The following FAM186A variants were observed in gnomAD, a reference collection of about 807,000 sequenced individuals.
FAM186A encodes the protein family with sequence similarity 186 member A.
FAM186A carries 163 observed loss-of-function variants against 216.8 expected under a neutral mutation model. That is an observed-to-expected ratio of 0.75 (90% confidence interval 0.66 to 0.86). The LOEUF is 0.86. Ranked by LOEUF, FAM186A falls within the 40% of genes least tolerant of loss-of-function variation. FAM186A has a pLI of 0.00. For missense variants in FAM186A, 2,184 were observed against 2,746.2 expected (o/e 0.80, Z 4.58); for synonymous variants, 805 against 1,025.3 (o/e 0.79, Z 4.10).
intron 3 of FAM186A, among the ~76,000 whole-genome samples, chr12:50,357,244 C>CA (rs1942987253): frequency 6.6e-6 from 1 of 152,016 alleles, no homozygotes; most frequent in Non-Finnish European, 1.5e-5. Context: ...CGCAATGGCT[C>CA]ATGCCTGTAA....
intron 4 of FAM186A, among the ~76,000 whole-genome samples, chr12:50,345,824 G>T (rs1371121290): frequency 6.6e-6 from 1 of 151,958 alleles, no homozygotes; most frequent in Non-Finnish European, 1.5e-5. Context: ...GATGGCTTTG[G>T]CTATTTGGGC....
intron 1 of FAM186A, among the ~76,000 whole-genome samples, chr12:50,379,485 C>CA (rs1186341500): frequency 2.3e-3 from 4 of 1,722 alleles, no homozygotes; most frequent in African/African-American, 5.3e-3. Context: ...AAAACAAAAA[C>CA]AAAAAAAAAC....
intron 1 of FAM186A, chr12:50,366,212 C>T: frequency 1.8e-6 from 1 of 558,526 alleles, no homozygotes. Context: ...TTTGCTGTTA[C>T]AGCAAATAAT....
intron 1 of FAM186A, among the ~76,000 whole-genome samples, chr12:50,364,170 T>G (rs1009359246): frequency 1.3e-5 from 2 of 152,146 alleles, no homozygotes; most frequent in African/African-American, 4.8e-5. Flanking sequence ...TCTCAAATCC[T>G]GTGTGACTTT....
At position 50,350,334 on chromosome 12, in the gene FAM186A, A is replaced by G. The variant is rs1942861367; in HGVS notation, c.6498T>C (p.His2166=). 2.0e-6 allele frequency: 3 copies of G among 1,528,104 alleles called. No homozygotes were observed. Among genetic ancestry groups the G allele is most frequent in the African/African-American group, 2.8e-5 (2 of 72,074 alleles). 94.7% of individuals were successfully genotyped at this position (1,528,104 alleles called of 1,614,324 possible). A position where few individuals can be genotyped will look rare whatever the true frequency, so the allele number is the denominator to read the frequency against. ...ACGTAAATAATTATATCTACCTGGC[A>G]TGCTGGATCAGCCTATAGGCAATGT... ...RKYIAYRLIQ[H]ARNNIMKRLK... is the part of the protein sequence containing the mutation. Residue 2166 remains histidine, a synonymous_variant, in exon 4 of 8, where the codon CAT becomes CAC. Transcript: ENST00000327337.
intron 1 of FAM186A, chr12:50,366,130 A>C (rs1342328954): frequency 5.1e-6 from 3 of 592,354 alleles, no homozygotes; most frequent in African/African-American, 1.9e-5. Context: ...CTTGAAACAA[A>C]AAAAAAAGAA....
intron 1 of FAM186A, among the ~76,000 whole-genome samples, chr12:50,377,167 AATC>A (rs1943206045): frequency 6.6e-6 from 1 of 152,218 alleles, no homozygotes; most frequent in Non-Finnish European, 1.5e-5. Context: ...AAAGAACTAC[AATC>A]ATCAGGACAG....
At chr12:50,334,414 C>T (rs1212192748) in intron 4 of FAM186A, among the ~76,000 whole-genome samples, 2 of 151,762 alleles carry the variant, frequency 1.3e-5, no homozygotes, top group Admixed American at 1.3e-4. Flanking sequence ...TCGTGATCCA[C>T]TTTCCTTGTC....
At chr12:50,363,038 A>G (rs1443808656) in intron 2 of FAM186A, 107 bp downstream of exon 2, 2 of 922,224 alleles carry the variant, frequency 2.2e-6, no homozygotes, top group Non-Finnish European at 3.2e-6. Context: ...TAACCTCCTT[A>G]GTCTTTTCTT....
Position 50,354,566 on chromosome 12 carries a change from C to T in FAM186A, c.2266G>A (p.Val756Ile), listed in dbSNP as rs1439006622. The stretch of plus-strand genomic sequence containing the variant: ...AAATGCAATCCTGGCATAAATGAGA[C>T]TACCTTTTTTTGTTTTATAGGTTTC... ...GEKPIKQKKV[V>I]SFMPGLHFQK... The change falls in exon 4 of 8, where the codon GTC becomes ATC. Residue 756 changes from valine (V) to isoleucine (I), a missense_variant. Physicochemically the swap from Val to Ile is conservative, Grantham distance 29. Around this residue, in one of 7 missense-constraint regions of FAM186A, gnomAD observed 1,132 missense variants for 1,263.4 expected, o/e 0.90. Transcript: ENST00000327337. 24 of 1,551,188 alleles carry T rather than the reference C, an allele frequency of 1.5e-5. No homozygotes were observed. The highest frequency in any genetic ancestry group is 1.8e-5 in the Non-Finnish European group (21 of 1,146,946).
At chr12:50,374,162 G>A (rs1319472068) in intron 1 of FAM186A, among the ~76,000 whole-genome samples, 1 of 110,278 alleles carries the variant, frequency 9.1e-6, no homozygotes, top group Non-Finnish European at 1.7e-5. Context: ...GGGGTGGGGG[G>A]AGGGGGGAGG....
chr12:50,357,024 A>G (rs1259496167), intron 3 of FAM186A, among the ~76,000 whole-genome samples: 2 of 151,418 alleles, frequency 1.3e-5, no homozygotes, highest in East Asian at 3.9e-4. Context: ...ATACATACAT[A>G]CATACATACA....
chr12:50,348,418 T>C (rs1942842436), intron 4 of FAM186A, among the ~76,000 whole-genome samples: 1 of 152,176 alleles, frequency 6.6e-6, no homozygotes, highest in South Asian at 2.1e-4. Context: ...AGATGAGGTT[T>C]CACCATGTTG....
chr12:50,331,644 T>C, intron 6 of FAM186A, 26 bp downstream of exon 6: 2 of 1,524,446 alleles, frequency 1.3e-6, no homozygotes, highest in Non-Finnish European at 1.8e-6. Flanking sequence ...CGTCCAAAGT[T>C]TAATATCAGT....
chr12:50,355,739 TTA>T lies in FAM186A; in HGVS notation c.1091_1092del (p.Ile364AsnfsTer5). ...TTGTCCTCAGTATCACCAACTTTGA[TTA>T]TCGCCCTGGATGACTGTGGAGAAGG... is the stretch of plus-strand genomic sequence containing the variant. ...PGPSPQSSRA[I>X]IKVGDTEDNM... On this transcript the variant is annotated frameshift_variant, in exon 4 of 8. Transcript: ENST00000327337. LOFTEE classifies it high-confidence loss of function. 1 of 1,551,664 alleles carries T rather than the reference TTA, an allele frequency of 6.4e-7. No individual in the cohort carries two copies.
At chr12:50,358,751 C>T (rs1943002456) in intron 3 of FAM186A, among the ~76,000 whole-genome samples, 1 of 151,288 alleles carries the variant, frequency 6.6e-6, no homozygotes, top group Non-Finnish European at 1.5e-5. Context: ...GGTGAAATTC[C>T]ATCTCTACTA....
chr12:50,381,983 C>G (rs143376303), intron 1 of FAM186A, among the ~76,000 whole-genome samples: 16 of 151,960 alleles, frequency 1.1e-4, no homozygotes, highest in African/African-American at 3.4e-4. Flanking sequence ...AAATATGAGG[C>G]AAACAGAAAT....
At position 50,365,639 on chromosome 12, in the gene FAM186A, C is replaced by T. The variant is rs537553887; in HGVS notation, c.193-2275G>A. On this transcript the variant is annotated intron_variant, in intron 1 of 7. Coordinates refer to ENST00000327337, the MANE Select transcript of FAM186A (RefSeq NM_001145475.3). Reference sequence around the variant, plus strand: ...TCCCTTTTGCCGCCATCTCCAAAGCCGGAGTGGCCAAAATGAAGTTCAGTC... The same window carrying T: ...TCCCTTTTGCCGCCATCTCCAAAGCTGGAGTGGCCAAAATGAAGTTCAGTC... 1.2e-4 allele frequency: 70 copies of T among 592,176 alleles called. No homozygotes were observed. The Admixed American group carries it at 1.4e-3, about 12-fold the overall frequency. The allele number at this position is 592,176 out of a possible 1,614,324, so 36.7% of individuals were successfully genotyped here.
intron 7 of FAM186A, among the ~76,000 whole-genome samples, chr12:50,330,323 T>C (rs1006278344): frequency 6.6e-6 from 1 of 152,228 alleles, no homozygotes; most frequent in African/African-American, 2.4e-5. Flanking sequence ...ATTAGATTCA[T>C]GGTATTATAA....
Sources: gnomAD v4.1 joint callset for allele counts (sites outside exome capture counted in the v4.1 genomes callset) on GRCh38, gnomAD v4.1.1 for gene constraint, gnomAD v4.1.1 regional missense constraint, MANE v1.5 for transcripts, NCBI Gene and HGNC (gene_info 2026-07-23, HGNC 2026-07-21) for gene names.